Variants in PPHLN1 observed in about 807,000 individuals in gnomAD.
PPHLN1 encodes periphilin 1, also known as periphilin-1.
In PPHLN1, 29 loss-of-function variants were observed where a neutral mutation model predicts 51.3. The ratio of observed to expected loss-of-function variants is 0.57; its 90% CI spans 0.42 to 0.77. PPHLN1 has a LOEUF of 0.77. PPHLN1 is among the 30% of genes least tolerant of loss of function. PPHLN1 has a pLI of 0.00. For missense variants in PPHLN1, 436 were observed against 438.4 expected (o/e 0.99, Z 0.05); for synonymous variants, 147 against 147.8 (o/e 0.99, Z 0.04).
chr12:42,384,821 G>A (rs1474809044), intron 5 of PPHLN1, 119 bp from the exon 6 acceptor site: 5 of 898,340 alleles, frequency 5.6e-6, no homozygotes, highest in African/African-American at 3.3e-5. Context: ...AAGAGTTTAG[G>A]GCCACCAGAA....
chr12:42,445,046 G>A (rs1329908336), downstream of PPHLN1: 1 of 702,290 alleles, frequency 1.4e-6, no homozygotes, highest in Non-Finnish European at 2.6e-6. Flanking sequence ...ATTTATTGCA[G>A]AACCTTGAAA....
intron 9 of PPHLN1, among the ~76,000 whole-genome samples, chr12:42,411,413 T>G (rs942083982): frequency 1.3e-5 from 2 of 152,042 alleles, no homozygotes; most frequent in African/African-American, 4.8e-5. Context: ...CAGTTACTAC[T>G]GTTACTGCTT....
At chr12:42,437,727 C>T (rs1242294821) in intron 9 of PPHLN1, among the ~76,000 whole-genome samples, 5 of 152,136 alleles carry the variant, frequency 3.3e-5, no homozygotes, top group East Asian at 1.9e-4. Context: ...CTCTTTGTCT[C>T]CTACAGTTCT....
intron 1 of PPHLN1, among the ~76,000 whole-genome samples, chr12:42,328,171 G>C (rs998749025): frequency 6.6e-6 from 1 of 152,154 alleles, no homozygotes; most frequent in African/African-American, 2.4e-5. Flanking sequence ...ACCGTTGGAT[G>C]TTGAATGAGA....
At chr12:42,359,448 A>G (rs2074384785) in intron 4 of PPHLN1, 1 of 152,266 alleles carries the variant, frequency 6.6e-6, no homozygotes, top group Non-Finnish European at 1.5e-5. Context: ...AGCAGGGAAT[A>G]GAGAGTATTT....
intron 3 of PPHLN1, among the ~76,000 whole-genome samples, chr12:42,353,165 T>C (rs1009079119): frequency 1.3e-5 from 2 of 152,210 alleles, no homozygotes; most frequent in Non-Finnish European, 2.9e-5. Context: ...TGTAGAAGTA[T>C]GTATTTAATG....
intron 9 of PPHLN1, among the ~76,000 whole-genome samples, chr12:42,426,228 A>ACACACACACACCC (rs371819974): frequency 3.9e-5 from 5 of 129,788 alleles, no homozygotes; most frequent in African/African-American, 1.6e-4. Flanking sequence ...ACACACACAC[A>ACACACACACACCC]CCCTCATGCA....
intron 4 of PPHLN1, chr12:42,359,529 C>T (rs1319954475): frequency 3.9e-5 from 6 of 152,208 alleles, no homozygotes; most frequent in African/African-American, 9.6e-5. Flanking sequence ...AGGTTTTATG[C>T]TATCACAGTA....
intron 5 of PPHLN1, chr12:42,375,315 G>GTT (rs5797791): frequency 0.31 from 45,759 of 148,394 alleles, 8,112 homozygotes; most frequent in Middle Eastern, 0.41. Context: ...CATGTAAAAG[G>GTT]TTTTTTTTTT....
Position 42,374,838 on chromosome 12 carries a change from T to C in PPHLN1, c.300-25T>C, listed in dbSNP as rs1029531010. The C allele has an allele frequency of 3.3e-6, 5 of 1,513,142 alleles. No homozygotes were observed. In the African/African-American group the frequency reaches 4.5e-5, roughly 14 times the overall value. 93.7% of individuals were successfully genotyped at this position (1,513,142 alleles called of 1,614,324 possible). On this transcript the variant is annotated intron_variant, in intron 4 of 9. Transcript: ENST00000358314. ...TAGAGGATAGAGTATAATTAACTTA[T>C]TTTATGTTTTTTTTTTTTTCAAAGG...
At chr12:42,391,541 G>A (rs1051490000) in intron 7 of PPHLN1, among the ~76,000 whole-genome samples, 2 of 152,190 alleles carry the variant, frequency 1.3e-5, no homozygotes, top group South Asian at 2.1e-4. Context: ...ACTGCTCCCA[G>A]CTGCTTCATT....
At chr12:42,347,914 G>A (rs573106411) in intron 2 of PPHLN1, among the ~76,000 whole-genome samples, 2 of 152,262 alleles carry the variant, frequency 1.3e-5, no homozygotes, top group East Asian at 1.9e-4. Context: ...ACAGGCTCCT[G>A]CAGTCATCTT....
intron 3 of PPHLN1, among the ~76,000 whole-genome samples, chr12:42,354,622 A>C (rs533912027): frequency 2.8e-4 from 43 of 152,304 alleles, no homozygotes; most frequent in Non-Finnish European, 5.6e-4. Flanking sequence ...GATTAATTTT[A>C]AATTTATTTA....
At chr12:42,447,268 G>A (rs543669339), downstream of PPHLN1, 4 of 152,276 alleles carry the variant, frequency 2.6e-5, no homozygotes, top group South Asian at 6.2e-4. Flanking sequence ...TCTATCTCAA[G>A]AAACAAGATG....
At chr12:42,420,504 T>C (rs1419813909) in intron 9 of PPHLN1, among the ~76,000 whole-genome samples, 1 of 151,646 alleles carries the variant, frequency 6.6e-6, no homozygotes. Context: ...AGTCTCACTT[T>C]CTTGCGCAGG....
intron 9 of PPHLN1, among the ~76,000 whole-genome samples, chr12:42,439,347 C>T (rs958795781): frequency 3.3e-5 from 5 of 152,340 alleles, no homozygotes; most frequent in African/African-American, 1.2e-4. Context: ...ACTATCTTTT[C>T]TCCATTGAAT....
At chr12:42,446,682 C>G (rs537256396), downstream of PPHLN1, 304 of 1,555,928 alleles carry the variant, frequency 2.0e-4, 1 homozygote, top group South Asian at 1.8e-3. Context: ...AAACCTGATG[C>G]AAAAAACAGA....
At chr12:42,366,628 A>G (rs1054756245) in intron 4 of PPHLN1, among the ~76,000 whole-genome samples, 1 of 151,574 alleles carries the variant, frequency 6.6e-6, no homozygotes, top group African/African-American at 2.4e-5. Context: ...GGCTCAAGCA[A>G]TTTGCCTGCC....
At chr12:42,357,491 A>G (rs1231975299) in intron 4 of PPHLN1, among the ~76,000 whole-genome samples, 1 of 152,220 alleles carries the variant, frequency 6.6e-6, no homozygotes, top group Non-Finnish European at 1.5e-5. Flanking sequence ...TAGCAGTGGC[A>G]TTACAAATCC....
Sources: gnomAD v4.1 joint callset for allele counts (sites outside exome capture counted in the v4.1 genomes callset) on GRCh38, gnomAD v4.1.1 for gene constraint, MANE v1.5 for transcripts, NCBI Gene and HGNC (gene_info 2026-07-23, HGNC 2026-07-21) for gene names.